Variants in RAD51B observed in about 807,000 individuals in gnomAD.
The protein encoded by RAD51B is RAD51 paralog B.
A neutral mutation model predicts 42.2 loss-of-function variants in RAD51B; 38 were observed. That is an observed-to-expected ratio of 0.90 (90% CI 0.70 to 1.18). The LOEUF is 1.18. Among genes scored for constraint, RAD51B ranks in the 50% most tolerant of loss-of-function variants. The pLI is 0.00. For synonymous variants in RAD51B, 154 were observed against 145.2 expected (o/e 1.06, Z -0.43); for missense variants, 373 against 400.7 (o/e 0.93, Z 0.59).
chr14:67,973,320 T>C (rs2074931946), intron 7 of RAD51B, among the ~76,000 whole-genome samples: 1 of 152,116 alleles, frequency 6.6e-6, no homozygotes, highest in Non-Finnish European at 1.5e-5. Context: ...TAAATTGTGA[T>C]AAAATGAGAA....
chr14:68,665,660 A>G (rs1049942371), intron 11 of RAD51B, among the ~76,000 whole-genome samples: 4 of 152,246 alleles, frequency 2.6e-5, no homozygotes, highest in Admixed American at 6.5e-5. Flanking sequence ...TGGGGCAGCC[A>G]AAAGAATGAT....
chr14:68,585,431 C>T (rs114721032), intron 10 of RAD51B, among the ~76,000 whole-genome samples: 4,902 of 152,286 alleles, frequency 0.032, 98 homozygotes, highest in African/African-American at 0.055. Flanking sequence ...TTCCCAGGGG[C>T]TCCTGACGAG....
exon 11 of RAD51B, chr14:68,611,424 C>A: frequency 3.3e-6 from 2 of 602,818 alleles, no homozygotes; most frequent in South Asian, 3.9e-5. Flanking sequence ...TCCTCCCACT[C>A]CTACAACCCT....
intron 7 of RAD51B, among the ~76,000 whole-genome samples, chr14:68,132,341 G>A (rs969997745): frequency 5.3e-5 from 8 of 152,224 alleles, no homozygotes; most frequent in Admixed American, 2.6e-4. Flanking sequence ...CAAAGGTTAT[G>A]TGATCATAAT....
At chr14:68,092,564 T>C (rs555824362) in intron 7 of RAD51B, among the ~76,000 whole-genome samples, 4 of 152,342 alleles carry the variant, frequency 2.6e-5, no homozygotes, top group Non-Finnish European at 4.4e-5. Flanking sequence ...CCTGAGACTT[T>C]GCTGAAGTTG....
intron 9 of RAD51B, among the ~76,000 whole-genome samples, chr14:68,441,877 ATTGT>A (rs749021166): frequency 6.6e-6 from 1 of 152,216 alleles, no homozygotes; most frequent in African/African-American, 2.4e-5. Context: ...CGCTGGCCAC[ATTGT>A]TTGTGCTAAA....
At chr14:68,342,691 G>A (rs756715293) in intron 8 of RAD51B, among the ~76,000 whole-genome samples, 9 of 151,488 alleles carry the variant, frequency 5.9e-5, no homozygotes, top group Middle Eastern at 3.4e-3. Context: ...GTAGAAAGGC[G>A]CAGAAAGGTT....
At chr14:68,313,068 C>T (rs1283122198) in intron 8 of RAD51B, among the ~76,000 whole-genome samples, 3 of 152,118 alleles carry the variant, frequency 2.0e-5, no homozygotes, top group East Asian at 3.8e-4. Context: ...GGAAAGGGTA[C>T]GATATGAATT....
At chr14:68,073,974 A>T (rs776965906) in intron 7 of RAD51B, among the ~76,000 whole-genome samples, 4 of 151,956 alleles carry the variant, frequency 2.6e-5, no homozygotes, top group African/African-American at 9.7e-5. Flanking sequence ...TCTCACATTG[A>T]TGTTGGAGGA....
chr14:67,873,389 T>C (rs559358068), intron 5 of RAD51B, among the ~76,000 whole-genome samples: 22 of 152,152 alleles, frequency 1.4e-4, no homozygotes, highest in African/African-American at 4.6e-4. Flanking sequence ...CACAATGAGA[T>C]ACCATCTCAC....
intron 8 of RAD51B, among the ~76,000 whole-genome samples, chr14:68,394,379 G>A (rs540085406): frequency 2.0e-5 from 3 of 152,216 alleles, no homozygotes; most frequent in South Asian, 4.2e-4. Flanking sequence ...ACAATCCTCC[G>A]GTGTGGCACA....
intron 10 of RAD51B, among the ~76,000 whole-genome samples, chr14:68,544,117 T>A (rs1298145522): frequency 6.6e-6 from 1 of 152,220 alleles, no homozygotes; most frequent in Non-Finnish European, 1.5e-5. Context: ...CTTTCATTTA[T>A]CTTGGAAACA....
intron 11 of RAD51B, among the ~76,000 whole-genome samples, chr14:68,669,524 T>A (rs906294679): frequency 6.6e-6 from 1 of 152,142 alleles, no homozygotes; most frequent in Non-Finnish European, 1.5e-5. Flanking sequence ...GGGAAGACTC[T>A]TTGTTCTTTC....
intron 7 of RAD51B, among the ~76,000 whole-genome samples, chr14:68,183,234 A>G (rs1241379883): frequency 1.3e-5 from 2 of 152,234 alleles, no homozygotes; most frequent in African/African-American, 4.8e-5. Flanking sequence ...GGAAACCAAC[A>G]GTGCAGCTTT....
intron 7 of RAD51B, among the ~76,000 whole-genome samples, chr14:68,193,124 G>A (rs1314045399): frequency 6.6e-6 from 1 of 152,128 alleles, no homozygotes; most frequent in Non-Finnish European, 1.5e-5. Flanking sequence ...CAGGTTTCAT[G>A]TGCTTCCCTG....
chr14:68,250,812 C>T (rs1951631), intron 7 of RAD51B, among the ~76,000 whole-genome samples: 25,507 of 152,092 alleles, frequency 0.17, 2,334 homozygotes, highest in Middle Eastern at 0.35. Flanking sequence ...GGAACATTCC[C>T]AGGAAGGGAG....
intron 10 of RAD51B, among the ~76,000 whole-genome samples, chr14:68,485,577 T>A (rs986218113): frequency 6.6e-6 from 1 of 152,178 alleles, no homozygotes; most frequent in Admixed American, 6.5e-5. Context: ...GGAGCTTCCA[T>A]TGAGGAACCC....
intron 7 of RAD51B, among the ~76,000 whole-genome samples, chr14:68,130,360 CTG>C (rs2077861764): frequency 6.6e-6 from 1 of 152,184 alleles, no homozygotes; most frequent in African/African-American, 2.4e-5. Flanking sequence ...TCTCCTCTTG[CTG>C]TGTTTAAAGA....
At chr14:68,616,088 T>G (rs937218253), downstream of RAD51B, among the ~76,000 whole-genome samples, 4 of 152,234 alleles carry the variant, frequency 2.6e-5, no homozygotes, top group African/African-American at 9.6e-5. Context: ...TCCTTTGTGC[T>G]ATTGCTGCTA....
Sources: allele counts gnomAD v4.1 joint callset (sites outside exome capture counted in the v4.1 genomes callset), GRCh38; gene constraint gnomAD v4.1.1; transcripts MANE v1.5; gene names NCBI Gene and HGNC (gene_info 2026-07-23, HGNC 2026-07-21).